TTC39A: variants seen among roughly 807,000 people sequenced by gnomAD.
TTC39A encodes the protein tetratricopeptide repeat protein 39A.
TTC39A carries 46 observed loss-of-function variants against 82.3 expected under a neutral mutation model. That is an observed-to-expected ratio of 0.56 (90% CI 0.44 to 0.71). The LOEUF (loss-of-function observed/expected upper bound fraction) is 0.71, where lower values mean the gene tolerates loss of function less well. TTC39A is among the 30% of genes least tolerant of loss of function. TTC39A has a pLI of 0.00. For synonymous variants in TTC39A, 254 were observed against 275.2 expected, an observed-to-expected ratio of 0.92 and a Z score of 0.76; for missense variants, 543 against 712.9, an observed-to-expected ratio of 0.76 and a Z score of 2.71.
At chr1:51,324,779 C>T (rs990167235) in intron 1 of TTC39A, among the ~76,000 whole-genome samples, 4 of 151,924 alleles carry the variant, frequency 2.6e-5, no homozygotes, top group East Asian at 3.9e-4. Flanking sequence ...GTGATCCACC[C>T]GCCTCAGCCT....
Position 51,312,851 on chromosome 1 carries a change from G to C in TTC39A, c.239C>G (p.Ala80Gly), listed in dbSNP as rs1448673033. ...MTFDPQDILL[A>G]GNMMKEAQML... is the part of the protein sequence containing the mutation. ...CTGTGCCTCCTTCATCATGTTGCCG[G>C]CAAGCAGGATGTCCTGAGGGTCAAA... is the stretch of plus-strand genomic sequence containing the variant. The change falls in exon 3 of 18, where the codon GCC becomes GGC. Residue 80 changes from alanine (A) to glycine (G), a missense_variant. Coordinates refer to ENST00000680483, the MANE Select transcript of TTC39A (RefSeq NM_001297663.2). 1 of 1,613,770 alleles carries C rather than the reference G, an allele frequency of 6.2e-7. No homozygotes were observed. Among genetic ancestry groups the C allele is most frequent in the African/African-American group, 1.3e-5 (1 of 74,920 alleles).
At chr1:51,316,655 C>G (rs1021079301) in intron 2 of TTC39A, among the ~76,000 whole-genome samples, 2 of 152,236 alleles carry the variant, frequency 1.3e-5, no homozygotes, top group African/African-American at 4.8e-5. Flanking sequence ...ACCTTTTCCC[C>G]TCTCCTTATT....
intron 2 of TTC39A, among the ~76,000 whole-genome samples, chr1:51,313,316 C>T (rs1323354738): frequency 2.0e-5 from 3 of 152,188 alleles, no homozygotes; most frequent in Non-Finnish European, 4.4e-5. Flanking sequence ...CTGCCCCCAC[C>T]TCCTGCAGGC....
intron 2 of TTC39A, among the ~76,000 whole-genome samples, chr1:51,313,532 C>T (rs924274906): frequency 4.6e-5 from 7 of 152,200 alleles, no homozygotes; most frequent in East Asian, 1.9e-4. Context: ...CTCCATGAGA[C>T]GCCGGCTCTG....
chr1:51,313,091 A>G (rs1337129803), intron 2 of TTC39A, 148 bp from the exon 3 acceptor site: 29 of 1,057,674 alleles, frequency 2.7e-5, no homozygotes, highest in Non-Finnish European at 3.5e-5. Context: ...GCCAGGTCTA[A>G]TCTGCTCACT....
intron 2 of TTC39A, among the ~76,000 whole-genome samples, chr1:51,319,888 A>G (rs1645430764): frequency 1.3e-5 from 2 of 151,976 alleles, no homozygotes; most frequent in Admixed American, 1.3e-4. Context: ...ACGAGGTTTC[A>G]CCACGTTGGC....
upstream of TTC39A, chr1:51,330,711 GC>G: frequency 3.5e-6 from 3 of 851,660 alleles, no homozygotes; most frequent in Non-Finnish European, 4.3e-6. This position sits in a 1 kb window ranked among gnomAD's most constrained non-coding sequence, Gnocchi z 4.5. Flanking sequence ...GTTCTGGGCG[GC>G]CCCCACCCCC....
intron 14 of TTC39A, among the ~76,000 whole-genome samples, chr1:51,293,192 C>T (rs1487976219): frequency 3.3e-5 from 5 of 152,086 alleles, no homozygotes; most frequent in Admixed American, 2.6e-4. Flanking sequence ...CTCAGCCTCC[C>T]GAGTAACTGG....
At chr1:51,289,381 C>T (rs114672522) in intron 16 of TTC39A, among the ~76,000 whole-genome samples, 1,585 of 152,098 alleles carry the variant, frequency 0.01, 39 homozygotes, top group African/African-American at 0.037. Flanking sequence ...TCATTCTATC[C>T]CTCCTTTTTC....
intron 8 of TTC39A, among the ~76,000 whole-genome samples, chr1:51,304,329 TAGAG>T (rs1644791822): frequency 6.6e-6 from 1 of 152,204 alleles, no homozygotes; most frequent in African/African-American, 2.4e-5. Flanking sequence ...TAAATTATAA[TAGAG>T]AGGTCCGTGG....
At chr1:51,343,392 T>A (rs1335589750) in intron 1 of TTC39A, among the ~76,000 whole-genome samples, 4 of 152,196 alleles carry the variant, frequency 2.6e-5, no homozygotes, top group Non-Finnish European at 5.9e-5. Flanking sequence ...CCTAAATTCC[T>A]GGTCCTGTTT....
intron 2 of TTC39A, among the ~76,000 whole-genome samples, chr1:51,317,166 C>T (rs985509904): frequency 2.6e-5 from 4 of 152,174 alleles, no homozygotes; most frequent in African/African-American, 9.7e-5. Flanking sequence ...GAGCACCATC[C>T]CCCACTGCAT....
chr1:51,318,581 TG>T lies in TTC39A; in HGVS notation c.146+3139del, dbSNP rs1645382050. 4.6e-5 allele frequency among the ~76,000 whole-genome samples: 7 copies of T among 152,278 alleles called. No individual in the cohort carries two copies. In the South Asian group the frequency reaches 1.4e-3, roughly 32 times the overall value. ...CTACAGAAATTGAAGAGGTCAGGCC[TG>T]GGGACTTGTGGAAACCAGTCCCCTG... On this transcript the variant is annotated intron_variant, in intron 2 of 17. Transcript: ENST00000680483.
rs1171312755 is a variant in TTC39A at position 51,303,149 on chromosome 1, C to G, written c.698G>C (p.Ser233Thr). 4 of 1,456,818 alleles carry G rather than the reference C, an allele frequency of 2.7e-6. No individual in the cohort carries two copies. The highest frequency in any genetic ancestry group is 2.4e-5 in the South Asian group (2 of 84,904). 90.2% of individuals were successfully genotyped at this position (1,456,818 alleles called of 1,614,324 possible). The change falls in exon 9 of 18, where the codon AGC becomes ACC. Residue 233 changes from serine (S) to threonine (T), a missense_variant. Coordinates refer to ENST00000680483, the MANE Select transcript of TTC39A (RefSeq NM_001297663.2). ...CATGACACAGAGCACAGAGCGGAAG[C>G]TGTGCCCTGACGCTCCCTCCTCCAG... ...LQLEEGASGHSFRSVLCVMLL... is the reference protein window; with the variant it reads ...LQLEEGASGHTFRSVLCVMLL...
In TTC39A at chr1:51,288,161, A is replaced by G. The variant is rs1180827130; in HGVS notation, c.1730T>C (p.Leu577Ser). The stretch of plus-strand genomic sequence containing the variant: ...GCCCGGAACTGCTGCACAAAGCTAC[A>G]AGGACACTGATGAGACCATGGATCT... ...SSRSMVSSVS[L>S] The change falls in exon 18 of 18, where the codon TTG (leucine) becomes TCG (serine). Residue 577 changes from leucine to serine, a missense_variant. Physicochemically the swap from Leu to Ser is moderately radical, Grantham distance 145. Transcript: ENST00000680483. The surrounding 1 kb of genome is among the most constrained non-coding windows in gnomAD (Gnocchi z 4.8). 2 of 1,614,058 alleles carry G rather than the reference A, an allele frequency of 1.2e-6. No homozygotes were observed. Among genetic ancestry groups the G allele is most frequent in the Non-Finnish European group, 1.7e-6 (2 of 1,179,884 alleles).
In TTC39A at chr1:51,311,320, C is replaced by T; in HGVS notation, c.357G>A (p.Glu119=). The part of the protein sequence containing the change: ...NRPTLGQFTE[E]EIHAEVCYAE... ...CATAGCAGACCTCAGCGTGGATTTCCTCTGTGGGGAGAAAACCAAAGCCCC... is the reference window on the plus strand; with the variant it reads ...CATAGCAGACCTCAGCGTGGATTTCTTCTGTGGGGAGAAAACCAAAGCCCC... Residue 119 remains glutamate, a splice_region_variant and synonymous_variant, in exon 5 of 18, where the codon GAG becomes GAA. Transcript: ENST00000680483. 1.9e-6 allele frequency: 3 copies of T among 1,575,190 alleles called. No individual in the cohort carries two copies. The highest frequency in any genetic ancestry group is 2.6e-6 in the Non-Finnish European group (3 of 1,160,648).
chr1:51,297,501 G>A (rs988878458), intron 12 of TTC39A: 2 of 152,316 alleles, frequency 1.3e-5, no homozygotes, highest in South Asian at 4.1e-4. Context: ...TTACAGGCAT[G>A]AGCCACTGCG....
At chr1:51,330,781 G>A, upstream of TTC39A, 1 of 380,578 alleles carries the variant, frequency 2.6e-6, no homozygotes, top group South Asian at 4.1e-5. This position sits in a 1 kb window ranked among gnomAD's most constrained non-coding sequence, Gnocchi z 4.5. Context: ...CCGGGAGCTC[G>A]CTCCCTCCTC....
intron 5 of TTC39A, 120 bp from the exon 6 acceptor site, chr1:51,309,445 T>A (rs762054408): frequency 2.1e-5 from 32 of 1,547,420 alleles, no homozygotes; most frequent in Admixed American, 4.0e-5. Context: ...GGGGATGAGG[T>A]CGGAGGTCAG....
Sources: allele counts gnomAD v4.1 joint callset (sites outside exome capture counted in the v4.1 genomes callset), GRCh38; gene constraint gnomAD v4.1.1; non-coding constraint Gnocchi (gnomAD v3.1); transcripts MANE v1.5; gene names NCBI Gene and HGNC (gene_info 2026-07-23, HGNC 2026-07-21).